Variants in KCNIP4 observed in about 807,000 individuals in gnomAD.
KCNIP4 encodes the protein potassium voltage-gated channel interacting protein 4.
KCNIP4 carries 12 observed loss-of-function variants against 34.0 expected under a neutral mutation model. That is an observed-to-expected ratio of 0.35 (90% CI 0.23 to 0.57). The LOEUF is 0.57. Among genes scored for constraint, KCNIP4 ranks in the 20% least tolerant of loss-of-function variants. The pLI, the probability that KCNIP4 is intolerant of heterozygous loss-of-function variation, is 0.83. For synonymous variants in KCNIP4, 124 were observed against 102.2 expected (o/e 1.21, Z -1.29); for missense variants, 238 against 311.7 (o/e 0.76, Z 1.78).
At chr4:21,118,816 C>T (rs1034415721) in intron 1 of KCNIP4, among the ~76,000 whole-genome samples, 3 of 152,114 alleles carry the variant, frequency 2.0e-5, no homozygotes, top group African/African-American at 7.2e-5. Flanking sequence ...GAGGGAATGG[C>T]ACCTGCATCA....
At chr4:21,045,523 G>T (rs958984330) in intron 1 of KCNIP4, among the ~76,000 whole-genome samples, 4 of 152,056 alleles carry the variant, frequency 2.6e-5, no homozygotes, top group Non-Finnish European at 5.9e-5. Flanking sequence ...AGCAAAACAG[G>T]TCTCACCCAA....
At chr4:21,458,230 G>A (rs1729133437) in intron 1 of KCNIP4, among the ~76,000 whole-genome samples, 1 of 146,674 alleles carries the variant, frequency 6.8e-6, no homozygotes, top group Non-Finnish European at 1.5e-5. Context: ...ACCTATGAGT[G>A]AGAATATGCG....
At chr4:21,823,395 T>C (rs1347849059) in intron 1 of KCNIP4, among the ~76,000 whole-genome samples, 2 of 151,902 alleles carry the variant, frequency 1.3e-5, no homozygotes, top group Non-Finnish European at 2.9e-5. Context: ...TACAGAAAAC[T>C]ATATTATTCA....
chr4:21,815,331 T>G (rs182576915), intron 1 of KCNIP4, among the ~76,000 whole-genome samples: 2 of 152,282 alleles, frequency 1.3e-5, no homozygotes, highest in Admixed American at 1.3e-4. Flanking sequence ...CAGTAAGGAT[T>G]GTTGTGAAGA....
intron 1 of KCNIP4, among the ~76,000 whole-genome samples, chr4:21,136,361 T>A (rs1751500256): frequency 6.6e-6 from 1 of 152,164 alleles, no homozygotes. Context: ...GAAGGAACAA[T>A]GGAAGCAGAA....
At chr4:20,745,817 TGCCAATC>T (rs1047319177) in intron 5 of KCNIP4, among the ~76,000 whole-genome samples, 2 of 152,180 alleles carry the variant, frequency 1.3e-5, no homozygotes, top group Non-Finnish European at 2.9e-5. Flanking sequence ...CCTGACTCCC[TGCCAATC>T]AAAGACTGCT....
intron 3 of KCNIP4, among the ~76,000 whole-genome samples, chr4:20,815,688 T>A (rs116004238): frequency 0.015 from 2,270 of 152,334 alleles, 28 homozygotes; most frequent in South Asian, 0.038. Flanking sequence ...CAATTATGTA[T>A]GAAATGTTAG....
rs1255380604 is a variant in KCNIP4 at position 21,177,901 on chromosome 4, AATT to A, written c.62-295195_62-295193del. ...ATAAAATATAACATTTAAAAAGAAAAATTTAAACAAAGTTTGCAATAATTTATC... is the reference window on the plus strand; with the variant it reads ...ATAAAATATAACATTTAAAAAGAAAATAAACAAAGTTTGCAATAATTTATC... On this transcript the variant is annotated intron_variant, in intron 1 of 8. Transcript: ENST00000382152. Among the ~76,000 whole-genome samples the A allele has an allele frequency of 1.6e-3, 240 of 149,174 alleles. 4 individuals carry two copies. The highest frequency in any genetic ancestry group is 5.8e-3 in the African/African-American group (231 of 40,092).
At position 21,414,006 on chromosome 4, in the gene KCNIP4, G is replaced by A. The variant is rs28422487; in HGVS notation, c.62-531297C>T. 8.8e-3 allele frequency among the ~76,000 whole-genome samples: 1,343 copies of A among 152,092 alleles called. 14 individuals carry two copies. Among genetic ancestry groups the A allele is most frequent in the African/African-American group, 0.03 (1,260 of 41,486 alleles). On this transcript the variant is annotated intron_variant, in intron 1 of 8. Transcript: ENST00000382152. ...TTTACTCAGCAAATATTTATCCTGC[G>A]CCTACCTGTGTCAGTCAGTAGTGTA...
chr4:21,779,803 C>T (rs540372571), intron 1 of KCNIP4, among the ~76,000 whole-genome samples: 3 of 152,042 alleles, frequency 2.0e-5, no homozygotes, highest in African/African-American at 7.2e-5. Flanking sequence ...GGCACACTTC[C>T]TCCTGTAGTC....
intron 5 of KCNIP4, 84 bp from the exon 6 acceptor site, chr4:20,734,819 C>CA: frequency 1.5e-6 from 1 of 689,314 alleles, no homozygotes; most frequent in East Asian, 3.0e-5. Flanking sequence ...GTAAGGGCTA[C>CA]AACCCTCTGG....
At chr4:21,760,599 C>G (rs954231620) in intron 1 of KCNIP4, among the ~76,000 whole-genome samples, 2 of 152,034 alleles carry the variant, frequency 1.3e-5, no homozygotes, top group Admixed American at 6.6e-5. Flanking sequence ...ACTTCTAGGC[C>G]TTTTCTGAAT....
At chr4:21,016,068 C>T (rs914700447) in intron 1 of KCNIP4, among the ~76,000 whole-genome samples, 4 of 149,172 alleles carry the variant, frequency 2.7e-5, no homozygotes, top group African/African-American at 9.8e-5. Context: ...CATGCCATCT[C>T]CTACTTCACA....
At chr4:21,372,245 T>C (rs1314899008) in intron 1 of KCNIP4, among the ~76,000 whole-genome samples, 2 of 147,260 alleles carry the variant, frequency 1.4e-5, no homozygotes, top group Non-Finnish European at 2.9e-5. Context: ...GATTGCTACT[T>C]ATGTATCCAT....
intron 5 of KCNIP4, among the ~76,000 whole-genome samples, chr4:20,737,091 G>A (rs1245940216): frequency 6.6e-6 from 1 of 152,168 alleles, no homozygotes; most frequent in Non-Finnish European, 1.5e-5. Flanking sequence ...TGTGGCAACT[G>A]GATCACCATA....
intron 1 of KCNIP4, among the ~76,000 whole-genome samples, chr4:21,330,555 A>G (rs989873016): frequency 6.6e-6 from 1 of 152,182 alleles, no homozygotes; most frequent in African/African-American, 2.4e-5. Context: ...CAAGGTACAG[A>G]AAAGCTTTGT....
intron 1 of KCNIP4, among the ~76,000 whole-genome samples, chr4:21,008,535 T>TC (rs1339494812): frequency 6.6e-6 from 1 of 151,930 alleles, no homozygotes; most frequent in South Asian, 2.1e-4. Context: ...TGTTTTTGTT[T>TC]TTTTTTGAGA....
intron 1 of KCNIP4, among the ~76,000 whole-genome samples, chr4:21,098,028 T>C (rs1747613711): frequency 6.6e-6 from 1 of 152,100 alleles, no homozygotes; most frequent in Non-Finnish European, 1.5e-5. Flanking sequence ...TTATTGCTGA[T>C]ATAAAGGAAG....
At chr4:21,603,417 A>G (rs1318486597) in intron 1 of KCNIP4, among the ~76,000 whole-genome samples, 1 of 152,176 alleles carries the variant, frequency 6.6e-6, no homozygotes, top group East Asian at 1.9e-4. Flanking sequence ...GAAGGGAAGG[A>G]AATAGAGAAA....
Sources: gnomAD v4.1 joint callset for allele counts (sites outside exome capture counted in the v4.1 genomes callset) on GRCh38, gnomAD v4.1.1 for gene constraint, MANE v1.5 for transcripts, NCBI Gene and HGNC (gene_info 2026-07-23, HGNC 2026-07-21) for gene names.